Variants in CEP350 observed in about 807,000 individuals in gnomAD.
The protein encoded by CEP350 is centrosomal protein 350.
CEP350 carries 126 observed loss-of-function variants against 331.8 expected under a neutral mutation model. That is an observed-to-expected ratio of 0.38 (90% CI 0.33 to 0.44). The LOEUF is 0.44. Ranked by LOEUF, CEP350 falls within the 20% of genes least tolerant of loss-of-function variation. The probability of loss-of-function intolerance (pLI) is 1.00; values close to 1 mark genes in which losing one functional copy is unlikely to be tolerated. For synonymous variants in CEP350, 1,200 were observed against 1,259.5 expected (o/e 0.95, Z 1.00); for missense variants, 3,406 against 3,634.6 (o/e 0.94, Z 1.62).
rs1012620653 is a variant in CEP350 at position 180,098,739 on chromosome 1, A to T, written c.9067-124A>T. ...CTATGTGGAACTGTAAGTGGAAGAA[A>T]TTTGTATGATAATTTTATTGTAAAT... is the stretch of plus-strand genomic sequence containing the variant. On this transcript the variant is annotated intron_variant, in intron 36 of 37. Transcript: ENST00000367607. The T allele has an allele frequency of 6.2e-6, 5 of 801,144 alleles. No individual in the cohort carries two copies. The African/African-American group carries it at 8.7e-5, about 14-fold the overall frequency. 49.6% of individuals were successfully genotyped at this position (801,144 alleles called of 1,614,324 possible). A position where few individuals can be genotyped will look rare whatever the true frequency, so the allele number is the denominator to read the frequency against.
In CEP350 at chr1:180,053,117, ACT is replaced by A; in HGVS notation, c.4943_4944del (p.Ser1648Ter). On this transcript the variant is annotated frameshift_variant, in exon 23 of 38. Coordinates refer to ENST00000367607, the MANE Select transcript of CEP350 (RefSeq NM_014810.5). LOFTEE classifies it high-confidence loss of function. Reference sequence around the variant, plus strand: ...GAAAAGAGAAGAGGTCATCATGATGACTCTGATGAAGAAGCTTCTCCAGAAAA... The same window carrying A: ...GAAAAGAGAAGAGGTCATCATGATGACTGATGAAGAAGCTTCTCCAGAAAA... 6.2e-7 allele frequency: 1 copy of A among 1,605,174 alleles called. No individual in the cohort carries two copies. Among genetic ancestry groups the A allele is most frequent in the Non-Finnish European group, 8.5e-7 (1 of 1,176,366 alleles).
At chr1:180,006,601 T>C in intron 8 of CEP350, 34 bp downstream of exon 8, 1 of 1,033,448 alleles carries the variant, frequency 9.7e-7, no homozygotes, top group East Asian at 2.6e-5. Flanking sequence ...CCTTTTTTTT[T>C]GTTTTTAATT....
intron 37 of CEP350, among the ~76,000 whole-genome samples, chr1:180,110,586 A>G (rs958719007): frequency 3.9e-5 from 6 of 152,186 alleles, no homozygotes; most frequent in African/African-American, 1.4e-4. Context: ...GATATTTTCA[A>G]TTTACTGCGA....
At chr1:180,003,903 A>T (rs956138736) in intron 7 of CEP350, among the ~76,000 whole-genome samples, 1 of 152,166 alleles carries the variant, frequency 6.6e-6, no homozygotes, top group Non-Finnish European at 1.5e-5. Context: ...AATTGAAGCC[A>T]AGATTCAAAA....
At chr1:180,004,873 G>GGCTGGCTTGCTTGCTTGCTTGCTT (rs1265597009) in intron 7 of CEP350, among the ~76,000 whole-genome samples, 2 of 100,530 alleles carry the variant, frequency 2.0e-5, no homozygotes, top group South Asian at 3.9e-4. Flanking sequence ...CAGGCTGGCT[G>GGCTGGCTTGCTTGCTTGCTTGCTT]GCTTGCTTGC....
At chr1:179,979,168 T>G (rs1252715524) in intron 1 of CEP350, among the ~76,000 whole-genome samples, 1 of 152,182 alleles carries the variant, frequency 6.6e-6, no homozygotes, top group Non-Finnish European at 1.5e-5. Flanking sequence ...GTGGATATAC[T>G]AGTTTACATT....
chr1:180,088,200 A>G (rs1659973001), intron 32 of CEP350, among the ~76,000 whole-genome samples: 1 of 152,174 alleles, frequency 6.6e-6, no homozygotes, highest in Non-Finnish European at 1.5e-5. Context: ...CCAAAAATGG[A>G]TGAATAGCTC....
chr1:180,065,535 A>C (rs112310967), intron 27 of CEP350, among the ~76,000 whole-genome samples: 1 of 152,120 alleles, frequency 6.6e-6, no homozygotes, highest in South Asian at 2.1e-4. Flanking sequence ...TAATCCCAGC[A>C]CTTTGAGAAG....
chr1:180,095,192 A>T, intron 34 of CEP350: 2 of 195,326 alleles, frequency 1.0e-5, no homozygotes, highest in East Asian at 2.5e-4. Flanking sequence ...CCAGATGGTC[A>T]CCAGAGGTGA....
chr1:180,065,025 G>A (rs1658463424), intron 26 of CEP350, 90 bp from the exon 27 acceptor site: 1 of 1,307,350 alleles, frequency 7.6e-7, no homozygotes. Context: ...ACATTGTATT[G>A]TGGATAAACT....
Position 180,012,084 on chromosome 1 carries a change from C to A in CEP350, c.1393+9C>A. The A allele has an allele frequency of 6.5e-7, 1 of 1,535,146 alleles. No homozygotes were observed. Among genetic ancestry groups the A allele is most frequent in the Non-Finnish European group, 8.8e-7 (1 of 1,142,454 alleles). On this transcript the variant is annotated intron_variant, in intron 9 of 37. Transcript: ENST00000367607. ...AAGAACTGCTAAATCTGGTAAGTAG[C>A]TATAATTAAAATAGTTGAGAAAACA...
In CEP350 at chr1:180,041,730, A is replaced by G. The variant is rs767627933; in HGVS notation, c.4290A>G (p.Ala1430=). The part of the protein sequence containing the change: ...QREVTEVLQE[A]TCKIAAQQSE... Reference sequence around the variant, plus strand: ...AAGTAACTGAAGTCCTGCAGGAAGCAACGTGTAAAATAGCAGCTCAGCAGT... The same window carrying G: ...AAGTAACTGAAGTCCTGCAGGAAGCGACGTGTAAAATAGCAGCTCAGCAGT... Residue 1430 remains alanine, a synonymous_variant, in exon 19 of 38, where the codon GCA becomes GCG. Coordinates refer to ENST00000367607, the MANE Select transcript of CEP350 (RefSeq NM_014810.5). 3 of 1,613,396 alleles carry G rather than the reference A, an allele frequency of 1.9e-6. No homozygotes were observed.
intron 21 of CEP350, among the ~76,000 whole-genome samples, chr1:180,046,309 A>G (rs1195651685): frequency 6.6e-6 from 1 of 152,124 alleles, no homozygotes; most frequent in Non-Finnish European, 1.5e-5. Context: ...CCTATTCTGG[A>G]TTTTTTATAT....
chr1:180,002,094 T>TA (rs1305777193), intron 6 of CEP350, among the ~76,000 whole-genome samples: 2 of 152,238 alleles, frequency 1.3e-5, no homozygotes, highest in Admixed American at 1.3e-4. Flanking sequence ...AGGGTGGCTA[T>TA]ACAGTAAGTA....
In CEP350 at chr1:180,064,608, A is replaced by G. The variant is rs1658431270; in HGVS notation, c.5410-507A>G. On this transcript the variant is annotated intron_variant, in intron 26 of 37. Coordinates refer to ENST00000367607, the MANE Select transcript of CEP350 (RefSeq NM_014810.5). ...TTAATAGTTTCCAAATGTTTTCTTT[A>G]CAAACTTTTTTAATTTTTGAAAACA... 2.0e-5 allele frequency among the ~76,000 whole-genome samples: 3 copies of G among 152,198 alleles called. No individual in the cohort carries two copies. The South Asian group carries it at 6.2e-4, about 31-fold the overall frequency.
intron 1 of CEP350, chr1:179,968,723 A>G (rs1276088024): frequency 3.8e-5 from 22 of 583,724 alleles, no homozygotes; most frequent in Non-Finnish European, 6.9e-5. Flanking sequence ...ACCCACTTAG[A>G]TGGCACCAGC....
chr1:180,098,635 T>C (rs78782568), intron 36 of CEP350, among the ~76,000 whole-genome samples: 5,393 of 152,322 alleles, frequency 0.035, 180 homozygotes, highest in African/African-American at 0.072. Flanking sequence ...TGAGTCACCG[T>C]GCCCAGCTAG....
intron 27 of CEP350, among the ~76,000 whole-genome samples, chr1:180,066,251 ACT>A (rs1408756458): frequency 6.6e-6 from 1 of 151,914 alleles, no homozygotes; most frequent in Non-Finnish European, 1.5e-5. Flanking sequence ...CTGCTTGTGG[ACT>A]CTATTCTTGC....
chr1:180,084,311 T>TA (rs1196213017), intron 31 of CEP350, 133 bp downstream of exon 31: 84 of 822,820 alleles, frequency 1.0e-4, no homozygotes, highest in Middle Eastern at 2.5e-4. Context: ...TTTATTCTCT[T>TA]AAAAAAAATC....
Sources: gnomAD v4.1 joint callset for allele counts (sites outside exome capture counted in the v4.1 genomes callset) on GRCh38, gnomAD v4.1.1 for gene constraint, MANE v1.5 for transcripts, NCBI Gene and HGNC (gene_info 2026-07-23, HGNC 2026-07-21) for gene names.